FOCAD: variants seen among roughly 807,000 people sequenced by gnomAD.
FOCAD encodes focadhesin.
A neutral mutation model predicts 225.6 loss-of-function variants in FOCAD; 198 were observed. The observed-to-expected ratio is 0.88, with a 90% CI of 0.78 to 0.99. The LOEUF is 0.99. Among genes scored for constraint, FOCAD ranks in the 50% least tolerant of loss-of-function variants. FOCAD has a pLI of 0.00. For missense variants in FOCAD, 2,713 were observed against 2,123.6 expected (o/e 1.28, Z -5.46); for synonymous variants, 897 against 755.0 (o/e 1.19, Z -3.08).
intron 1 of FOCAD, among the ~76,000 whole-genome samples, chr9:20,714,880 C>T (rs1212128904): frequency 6.6e-6 from 1 of 152,168 alleles, no homozygotes; most frequent in Non-Finnish European, 1.5e-5. Flanking sequence ...ACCTAGGCTT[C>T]ACACTTGTCA....
chr9:20,952,382 G>C (rs1174941037), intron 34 of FOCAD: 2 of 152,150 alleles, frequency 1.3e-5, no homozygotes, highest in African/African-American at 4.8e-5. Flanking sequence ...AAACAATTAT[G>C]GGAAACTGGA....
chr9:20,862,594 C>G lies in FOCAD; in HGVS notation c.1937C>G (p.Ser646Cys), dbSNP rs1828872255. 6.2e-7 allele frequency: 1 copy of G among 1,613,104 alleles called. No individual in the cohort carries two copies. The highest frequency in any genetic ancestry group is 8.5e-7 in the Non-Finnish European group (1 of 1,179,466). ...GCTTCACAGGTTGTTTGCATTCGCT[C>G]CACTTGGAATGCTCTCTCTCCAAAG... ...LCQAEVVCIR[S>C]TWNALSPKLS... Residue 646 changes from serine to cysteine, a missense_variant, in exon 16 of 44, where the codon TCC becomes TGC. Transcript: ENST00000338382.
At chr9:20,776,245 G>A (rs980559663) in intron 8 of FOCAD, among the ~76,000 whole-genome samples, 1 of 152,202 alleles carries the variant, frequency 6.6e-6, no homozygotes, top group African/African-American at 2.4e-5. Flanking sequence ...GGCCTATGGG[G>A]CTTTAACTTC....
chr9:20,830,528 CAG>C (rs1825377169), intron 15 of FOCAD, among the ~76,000 whole-genome samples: 1 of 152,064 alleles, frequency 6.6e-6, no homozygotes, highest in South Asian at 2.1e-4. Context: ...CATTATTTCA[CAG>C]AGTTTCTGTG....
chr9:20,855,794 C>CTTTTTTTTT (rs369187873), intron 15 of FOCAD, among the ~76,000 whole-genome samples: 2 of 131,820 alleles, frequency 1.5e-5, no homozygotes, highest in Non-Finnish European at 1.6e-5. Flanking sequence ...CCCCTATATT[C>CTTTTTTTTT]TTTTTTTTTT....
chr9:20,782,728 C>G (rs1321446725), intron 10 of FOCAD, among the ~76,000 whole-genome samples: 1 of 152,136 alleles, frequency 6.6e-6, no homozygotes, highest in Non-Finnish European at 1.5e-5. Flanking sequence ...AAGAGAGGCA[C>G]TATGTAAATA....
intron 43 of FOCAD, 50 bp from the exon 44 acceptor site, chr9:20,995,506 A>T: frequency 6.7e-7 from 1 of 1,496,720 alleles, no homozygotes; most frequent in Non-Finnish European, 9.3e-7. Context: ...CACCTTTTTG[A>T]TCAAAATGAC....
intron 9 of FOCAD, 67 bp from the exon 10 acceptor site, chr9:20,781,660 C>T: frequency 6.9e-7 from 1 of 1,455,896 alleles, no homozygotes; most frequent in Non-Finnish European, 9.6e-7. Context: ...CATTCTTAAG[C>T]AAAATTGCAT....
chr9:20,954,856 G>A (rs953987250), intron 35 of FOCAD, among the ~76,000 whole-genome samples: 1 of 152,144 alleles, frequency 6.6e-6, no homozygotes, highest in African/African-American at 2.4e-5. Context: ...CAGAGGAGTG[G>A]GGGCCGTGGG....
chr9:20,984,955 C>A (rs1405688162), intron 39 of FOCAD, among the ~76,000 whole-genome samples: 1 of 152,196 alleles, frequency 6.6e-6, no homozygotes, highest in African/African-American at 2.4e-5. Flanking sequence ...CATCCACCAT[C>A]ATGCCTGGCT....
chr9:20,728,198 A>G (rs1054670679), intron 4 of FOCAD, among the ~76,000 whole-genome samples: 3 of 152,138 alleles, frequency 2.0e-5, no homozygotes, highest in African/African-American at 4.8e-5. Context: ...CCCTCTCATT[A>G]TAGGCTAACT....
At chr9:20,969,493 TTAATC>T (rs1839570282) in intron 35 of FOCAD, among the ~76,000 whole-genome samples, 3 of 152,120 alleles carry the variant, frequency 2.0e-5, no homozygotes, top group Admixed American at 1.3e-4. Context: ...AATTTCTTGA[TTAATC>T]TAATTTGAAT....
intron 35 of FOCAD, among the ~76,000 whole-genome samples, chr9:20,973,415 T>A (rs1383699467): frequency 6.6e-6 from 1 of 151,596 alleles, no homozygotes; most frequent in Non-Finnish European, 1.5e-5. Context: ...GACTCTTGCT[T>A]CCCCACTTTT....
chr9:20,983,646 A>G (rs1840910758), intron 39 of FOCAD, among the ~76,000 whole-genome samples: 1 of 152,158 alleles, frequency 6.6e-6, no homozygotes, highest in Non-Finnish European at 1.5e-5. Flanking sequence ...GAGAAGCAAC[A>G]TAAGAAAATA....
At chr9:20,851,284 A>G (rs544925070) in intron 15 of FOCAD, among the ~76,000 whole-genome samples, 49 of 150,732 alleles carry the variant, frequency 3.3e-4, no homozygotes, top group African/African-American at 1.1e-3. Context: ...TTTTCCATCT[A>G]GCGTCTTTAT....
At chr9:20,961,548 G>T (rs1838730185) in intron 35 of FOCAD, among the ~76,000 whole-genome samples, 1 of 152,080 alleles carries the variant, frequency 6.6e-6, no homozygotes, top group Non-Finnish European at 1.5e-5. Flanking sequence ...TTGTCTCTAG[G>T]CCGTTTCAGT....
intron 34 of FOCAD, among the ~76,000 whole-genome samples, chr9:20,952,203 A>G (rs944422503): frequency 6.6e-6 from 1 of 152,142 alleles, no homozygotes; most frequent in African/African-American, 2.4e-5. Flanking sequence ...TAATTGCCAT[A>G]TTATGGGGTA....
At chr9:20,976,387 T>G (rs1327939901) in intron 35 of FOCAD, 33 bp from the exon 36 acceptor site, 1 of 1,602,998 alleles carries the variant, frequency 6.2e-7, no homozygotes, top group Non-Finnish European at 8.5e-7. Context: ...AGTATGCAGG[T>G]GTTTTACTAT....
intron 18 of FOCAD, among the ~76,000 whole-genome samples, chr9:20,867,775 C>T (rs1216034073): frequency 1.3e-5 from 2 of 151,992 alleles, no homozygotes; most frequent in African/African-American, 4.8e-5. Flanking sequence ...TTACGTGTAA[C>T]ATTACTCAGA....
Sources: gnomAD v4.1 joint callset for allele counts (sites outside exome capture counted in the v4.1 genomes callset) on GRCh38, gnomAD v4.1.1 for gene constraint, MANE v1.5 for transcripts, NCBI Gene and HGNC (gene_info 2026-07-23, HGNC 2026-07-21) for gene names.